Variants in DHCR7 observed in about 807,000 individuals in gnomAD.
DHCR7 encodes 7-DHC reductase.
A neutral mutation model predicts 43.3 loss-of-function variants in DHCR7; 40 were observed. That is an observed-to-expected ratio of 0.92 (90% CI 0.72 to 1.20). DHCR7 has a LOEUF of 1.20. DHCR7 is among the 50% of genes most tolerant of loss of function. The pLI is 0.00. For missense variants in DHCR7, 608 were observed against 644.6 expected (o/e 0.94, Z 0.62); for synonymous variants, 298 against 271.4 (o/e 1.10, Z -0.96).
At chr11:71,432,735 C>T (rs920578716), downstream of DHCR7, among the ~76,000 whole-genome samples, 2 of 151,990 alleles carry the variant, frequency 1.3e-5, no homozygotes, top group African/African-American at 4.9e-5. Context: ...AATTTGGCCT[C>T]TACCAGTTGC....
chr11:71,433,850 C>A (rs968065654), downstream of DHCR7, among the ~76,000 whole-genome samples: 2 of 152,216 alleles, frequency 1.3e-5, no homozygotes, highest in Non-Finnish European at 2.9e-5. Context: ...CACAGATGCA[C>A]GGGACCCCTC....
rs576065593 is a variant in DHCR7 at position 71,443,861 on chromosome 11, C to T, written c.321+132G>A. 50 of 680,740 alleles carry T rather than the reference C, an allele frequency of 7.3e-5. No individual in the cohort carries two copies. In the African/African-American group the frequency reaches 7.6e-4, roughly 10 times the overall value. The allele number at this position is 680,740 out of a possible 1,614,324, so 42.2% of individuals were successfully genotyped here. On this transcript the variant is annotated intron_variant, in intron 4 of 8. Coordinates refer to ENST00000355527, the MANE Select transcript of DHCR7 (RefSeq NM_001360.3). ...GAACATGTCAGAGTCCAGGGAATGC[C>T]CTGCTGGGTCCCGGGAACCCAGATG...
At chr11:71,433,953 C>G (rs1949244181), downstream of DHCR7, among the ~76,000 whole-genome samples, 1 of 152,232 alleles carries the variant, frequency 6.6e-6, no homozygotes, top group Non-Finnish European at 1.5e-5. Flanking sequence ...TTCCGATACC[C>G]TCCAGGCTGT....
Position 71,444,014 on chromosome 11 carries a change from ATAGAGC to A in DHCR7, c.294_299del (p.Gln98_Tyr100delinsHis). 1 of 1,612,790 alleles carries A rather than the reference ATAGAGC, an allele frequency of 6.2e-7. No homozygotes were observed. The highest frequency in any genetic ancestry group is 8.5e-7 in the Non-Finnish European group (1 of 1,179,420). On this transcript the variant is annotated inframe_deletion, in exon 4 of 9. Transcript: ENST00000355527. ...TGACCTGGAAGGTGACCCACAAGGT[ATAGAGC>A]TGGGCGGCTTTCCTCGTTATAGGTG...
chr11:71,444,743 A>T, intron 3 of DHCR7, 112 bp downstream of exon 3: 2 of 957,892 alleles, frequency 2.1e-6, no homozygotes, highest in Non-Finnish European at 1.6e-6. Context: ...AAAAAAAAAA[A>T]AATCTTTTTT....
intron 2 of DHCR7, chr11:71,428,891 G>A (rs1356902985): frequency 2.2e-6 from 1 of 455,436 alleles, no homozygotes; most frequent in African/African-American, 2.0e-5. Context: ...AAGACAGAGT[G>A]GAGTTCACTC....
At chr11:71,427,471 A>G (rs1949205499), downstream of DHCR7, among the ~76,000 whole-genome samples, 1 of 152,226 alleles carries the variant, frequency 6.6e-6, no homozygotes, top group Non-Finnish European at 1.5e-5. Flanking sequence ...AAGAATAGAA[A>G]TAAAATAGAT....
chr11:71,441,081 G>C, intron 6 of DHCR7, 146 bp downstream of exon 6: 1 of 777,816 alleles, frequency 1.3e-6, no homozygotes, highest in Non-Finnish European at 2.2e-6. Flanking sequence ...ATGTTCCCCA[G>C]GGTGAAGCAA....
intron 4 of DHCR7, among the ~76,000 whole-genome samples, chr11:71,443,422 C>T (rs1019900471): frequency 1.3e-5 from 2 of 152,164 alleles, no homozygotes; most frequent in Admixed American, 6.5e-5. Context: ...AAACCTTTTC[C>T]TGGGTTCAGG....
rs104886040 is a variant in DHCR7 at position 71,443,993 on chromosome 11, C to G, written c.321G>C (p.Gln107His). Residue 107 changes from glutamine (Q) to histidine (H), a missense_variant and splice_region_variant, in exon 4 of 9, where the codon CAG becomes CAC. Coordinates refer to ENST00000355527, the MANE Select transcript of DHCR7 (RefSeq NM_001360.3). ...CAACCCCAGGGCAGGGGCTGCTGAC[C>G]TGGAAGGTGACCCACAAGGTATAGA... ...AQLYTLWVTF[Q>H]VLLYTSLPDF... is the part of the protein sequence containing the mutation. 97 of 1,610,294 alleles carry G rather than the reference C, an allele frequency of 6.0e-5. No homozygotes were observed. Among genetic ancestry groups the G allele is most frequent in the Non-Finnish European group, 7.6e-5 (89 of 1,178,144 alleles).
chr11:71,437,725 C>T (rs764908525), intron 8 of DHCR7, 87 bp downstream of exon 8: 28 of 1,575,476 alleles, frequency 1.8e-5, no homozygotes, highest in African/African-American at 4.0e-5. Flanking sequence ...AGCTTTGGTG[C>T]CCCCAAGGAC....
At chr11:71,427,869 T>TA (rs1293002075), downstream of DHCR7, among the ~76,000 whole-genome samples, 10 of 152,302 alleles carry the variant, frequency 6.6e-5, no homozygotes, top group East Asian at 1.9e-3. Flanking sequence ...GCTGGCCTTA[T>TA]ACCGTATCCA....
Position 71,435,783 on chromosome 11 carries a change from G to T in DHCR7, c.1020C>A (p.Val340=). 6.2e-7 allele frequency: 1 copy of T among 1,608,890 alleles called. No homozygotes were observed. Among genetic ancestry groups the T allele is most frequent in the Non-Finnish European group, 8.5e-7 (1 of 1,176,720 alleles). ...VQLSTPHAVG[V]LLLGLVGYYI... is the part of the protein sequence containing the mutation. Reference sequence around the variant, plus strand: ...AGTAGCCCACCAGGCCCAGCAGCAGGACGCCCACGGCGTGCGGGGTGGACA... The same window carrying T: ...AGTAGCCCACCAGGCCCAGCAGCAGTACGCCCACGGCGTGCGGGGTGGACA... Residue 340 remains valine, a synonymous_variant, in exon 9 of 9, where the codon GTC becomes GTA. Coordinates refer to ENST00000355527, the MANE Select transcript of DHCR7 (RefSeq NM_001360.3).
chr11:71,440,170 G>A (rs1049873631), intron 6 of DHCR7, among the ~76,000 whole-genome samples: 1 of 152,206 alleles, frequency 6.6e-6, no homozygotes, highest in African/African-American at 2.4e-5. Context: ...CACCCAGGAA[G>A]CCAGAGGGAG....
In DHCR7 at chr11:71,444,191, C is replaced by T. The variant is rs376263149; in HGVS notation, c.123G>A (p.Ala41=). 227 of 1,598,250 alleles carry T rather than the reference C, an allele frequency of 1.4e-4. No homozygotes were observed. The highest frequency in any genetic ancestry group is 1.8e-4 in the Non-Finnish European group (215 of 1,171,786). ...CGAACAGCAGTAGGAAGATGACGCT[C>T]GCCAGTGAAAACCAGTCCACCTCCC... The part of the protein sequence containing the change: ...RAWEVDWFSL[A]SVIFLLLFAP... Residue 41 remains alanine (A), a synonymous_variant, in exon 4 of 9, where the codon GCG becomes GCA. Coordinates refer to ENST00000355527, the MANE Select transcript of DHCR7 (RefSeq NM_001360.3).
At chr11:71,447,457 A>G (rs1949416894) in intron 2 of DHCR7, among the ~76,000 whole-genome samples, 153 bp downstream of exon 2, 1 of 152,216 alleles carries the variant, frequency 6.6e-6, no homozygotes, top group Non-Finnish European at 1.5e-5. Flanking sequence ...CTGGGAACAG[A>G]CAAAGGGGAG....
At chr11:71,438,556 T>C (rs926949041) in intron 7 of DHCR7, among the ~76,000 whole-genome samples, 1 of 152,054 alleles carries the variant, frequency 6.6e-6, no homozygotes, top group African/African-American at 2.4e-5. Context: ...TCCTGGAGCA[T>C]GCACTCTTGC....
chr11:71,438,271 T>C (rs974965085), intron 7 of DHCR7, among the ~76,000 whole-genome samples: 5 of 152,112 alleles, frequency 3.3e-5, no homozygotes, highest in African/African-American at 1.2e-4. Flanking sequence ...CCGAGCAACG[T>C]CCACAGCTCC....
chr11:71,435,513 G>A lies in DHCR7; in HGVS notation c.1290C>T (p.Tyr430=), dbSNP rs140791666. Residue 430 remains tyrosine (Y), a synonymous_variant, in exon 9 of 9, where the codon TAC becomes TAT. Transcript: ENST00000355527. ...GGATGGCCATGTAGATGATGTAGAA[G>A]TAGGGCAGCAGGTGGCCGCCGCCAC... is the stretch of plus-strand genomic sequence containing the variant. ...LACGGGHLLP[Y]FYIIYMAILL... 2 of 1,611,736 alleles carry A rather than the reference G, an allele frequency of 1.2e-6. No homozygotes were observed. The highest frequency in any genetic ancestry group is 1.7e-6 in the Non-Finnish European group (2 of 1,179,702).
Sources: allele counts gnomAD v4.1 joint callset (sites outside exome capture counted in the v4.1 genomes callset), GRCh38; gene constraint gnomAD v4.1.1; transcripts MANE v1.5; gene names NCBI Gene and HGNC (gene_info 2026-07-23, HGNC 2026-07-21).